Variants in RPS2 observed in about 807,000 individuals in gnomAD.
RPS2 encodes small ribosomal subunit protein uS5.
A neutral mutation model predicts 25.3 loss-of-function variants in RPS2; 8 were observed. The observed-to-expected ratio is 0.32, with a 90% CI of 0.19 to 0.57. The LOEUF (loss-of-function observed/expected upper bound fraction) is 0.57. RPS2 is among the 20% of genes least tolerant of loss of function. RPS2 has a pLI of 0.90. For missense variants in RPS2, 229 were observed against 408.1 expected (o/e 0.56, Z 3.78); for synonymous variants, 181 against 161.3 (o/e 1.12, Z -0.92).
At chr16:1,962,358 G>A (rs763915541) in intron 6 of RPS2, 88 bp from the exon 7 acceptor site, 14 of 1,399,956 alleles carry the variant, frequency 1.0e-5, no homozygotes, top group African/African-American at 4.2e-5. Context: ...TAGGAACAGA[G>A]AGGCCATTCT....
rs201628829 is a variant in RPS2, at chr16:1,962,884, T to C, written c.401A>G (p.Asn134Ser). The change falls in exon 5 of 7, where the codon AAT becomes AGT. Residue 134 changes from asparagine to serine, a missense_variant. By Grantham distance (46) the Asn-to-Ser change is conservative (BLOSUM62 1). Coordinates refer to ENST00000343262, the MANE Select transcript of RPS2 (RefSeq NM_002952.4). ...CTTAACACCCAGACCGACGTGGCCA[T>C]TGTAGTCCCCGATAGCAACAAATGC... ...FKAFVAIGDY[N>S]GHVGLGVKCS... The C allele has an allele frequency of 3.1e-5, 49 of 1,602,092 alleles. 1 individual carries two copies. In the Admixed American group the frequency reaches 3.8e-4, roughly 13 times the overall value.
Position 1,963,134 on chromosome 16 carries a change from A to G in RPS2, c.375+15T>C, listed in dbSNP as rs1227774616. 1.3e-6 allele frequency: 2 copies of G among 1,598,970 alleles called. No individual in the cohort carries two copies. Among genetic ancestry groups the G allele is most frequent in the East Asian group, 2.2e-5 (1 of 44,786 alleles). ...CGGCAAGCCCAGCGCAGCCCCCTCC[A>G]GGACAGCCGGGTACCTTGAACCTGG... On this transcript the variant is annotated intron_variant, in intron 4 of 6. Transcript: ENST00000343262.
Position 1,962,925 on chromosome 16 carries a change from T to G in RPS2, c.376-16A>C. Reference sequence around the variant, plus strand: ...CAACAAATGCCTGCGAAAAGATGTGTGTGAGGCAGCTGGTGGCCCTACACC... The same window carrying G: ...CAACAAATGCCTGCGAAAAGATGTGGGTGAGGCAGCTGGTGGCCCTACACC... On this transcript the variant is annotated splice_polypyrimidine_tract_variant and intron_variant, in intron 4 of 6. Coordinates refer to ENST00000343262, the MANE Select transcript of RPS2 (RefSeq NM_002952.4). 1 of 1,597,830 alleles carries G rather than the reference T, an allele frequency of 6.3e-7. No homozygotes were observed.
At chr16:1,963,668 T>C in intron 3 of RPS2, 1 of 374,366 alleles carries the variant, frequency 2.7e-6, no homozygotes, top group Non-Finnish European at 5.4e-6. Context: ...TTCCCCCCGA[T>C]CTGTCCCCTT....
intron 3 of RPS2, chr16:1,963,570 C>G: frequency 2.8e-6 from 1 of 357,370 alleles, no homozygotes; most frequent in South Asian, 2.2e-5. Context: ...GAGCCGAGAT[C>G]ACGCCAGCCT....
intron 3 of RPS2, chr16:1,963,926 C>T: frequency 2.6e-6 from 1 of 391,856 alleles, no homozygotes. Context: ...CCCGTACACG[C>T]GGACTATGAC....
In RPS2 at chr16:1,962,058, T is replaced by C; in HGVS notation, c.*40A>G. On this transcript the variant is annotated 3_prime_UTR_variant, in exon 7 of 7. Transcript: ENST00000343262. ...CATGCAGGACACGGGAAAAAAACAG[T>C]AACACGCTTAATTCACTTTATTTTT... 6.6e-7 allele frequency: 1 copy of C among 1,512,158 alleles called. No individual in the cohort carries two copies. The highest frequency in any genetic ancestry group is 1.2e-5 in the South Asian group (1 of 81,884). 93.7% of individuals were successfully genotyped at this position (1,512,158 alleles called of 1,614,324 possible).
intron 3 of RPS2, chr16:1,963,971 T>G: frequency 7.0e-6 from 3 of 429,374 alleles, no homozygotes; most frequent in East Asian, 5.0e-5. Flanking sequence ...TCCCACAACC[T>G]GAACTTCATC....
At chr16:1,963,748 C>A in intron 3 of RPS2, 1 of 450,732 alleles carries the variant, frequency 2.2e-6, no homozygotes, top group Non-Finnish European at 4.4e-6. Flanking sequence ...TTCCTATTTG[C>A]CCTTTTTCTC....
Position 1,964,291 on chromosome 16 carries a change from G to A in RPS2, c.252C>T (p.Phe84=), listed in dbSNP as rs140539932. 1.4e-4 allele frequency: 229 copies of A among 1,612,606 alleles called. No homozygotes were observed. Among genetic ancestry groups the A allele is most frequent in the African/African-American group, 2.9e-4 (22 of 75,032 alleles). ...CGACGCGTACCTTAATAGGCAGGGA[G>A]AAGAGATAGATCTCCTCCAGGGACT... ...KIKSLEEIYL[F]SLPIKESEII... Residue 84 remains phenylalanine (F), a synonymous_variant, in exon 3 of 7, where the codon TTC becomes TTT. Transcript: ENST00000343262.
At chr16:1,963,012 G>T in intron 4 of RPS2, 103 bp from the exon 5 acceptor site, 1 of 1,417,720 alleles carries the variant, frequency 7.1e-7, no homozygotes, top group Non-Finnish European at 9.9e-7. Flanking sequence ...CCACAGTAAG[G>T]CCCATCCGAG....
intron 6 of RPS2, 44 bp from the exon 7 acceptor site, chr16:1,962,314 G>A (rs1567316728): frequency 1.9e-6 from 3 of 1,580,410 alleles, no homozygotes; most frequent in Non-Finnish European, 2.6e-6. Context: ...GTGTGCTTGA[G>A]GCAAGTCCCC....
chr16:1,963,226 C>G lies in RPS2; in HGVS notation c.298G>C (p.Ala100Pro). The G allele has an allele frequency of 6.5e-7, 1 of 1,547,362 alleles. No homozygotes were observed. Among genetic ancestry groups the G allele is most frequent in the East Asian group, 2.4e-5 (1 of 42,000 alleles). ...TTCAAAACCTCATCCTTGAGAGAGG[C>G]CCCCAGGAAGAAATCAATGATCTCT... ...ESEIIDFFLG[A>P]SLKDEVLKIM... Residue 100 changes from alanine to proline, a missense_variant, in exon 4 of 7, where the codon GCC (alanine) becomes CCC (proline). Transcript: ENST00000343262.
At chr16:1,962,362 C>T (rs889215457) in intron 6 of RPS2, 92 bp from the exon 7 acceptor site, 3 of 1,386,332 alleles carry the variant, frequency 2.2e-6, no homozygotes, top group African/African-American at 2.8e-5. Context: ...AACAGAGAGG[C>T]CATTCTGGGC....
Position 1,962,646 on chromosome 16 carries a change from C to T in RPS2, c.560G>A (p.Arg187His), listed in dbSNP as rs775271566. The T allele has an allele frequency of 1.6e-5, 26 of 1,600,370 alleles. No individual in the cohort carries two copies. Among genetic ancestry groups the T allele is most frequent in the African/African-American group, 1.3e-4 (10 of 74,458 alleles). Residue 187 changes from arginine (R) to histidine (H), a missense_variant, in exon 6 of 7, where the codon CGC becomes CAC. Transcript: ENST00000343262. Reference protein sequence around the residue: ...PHTVPCKVTGRCGSVLVRLIP... With the variant: ...PHTVPCKVTGHCGSVLVRLIP... ...GAGGCGTACCAGCACAGAGCCGCAG[C>T]GGCCTGTCACCTGGTGAGGGAAGGA... is the stretch of plus-strand genomic sequence containing the variant.
At chr16:1,964,083 T>G (rs1375442878) in intron 3 of RPS2, 193 bp downstream of exon 3, 2 of 593,586 alleles carry the variant, frequency 3.4e-6, no homozygotes, top group African/African-American at 3.7e-5. Flanking sequence ...CTTTTGTGGC[T>G]CTGGCTTCGC....
At chr16:1,962,393 G>C in intron 6 of RPS2, 104 bp downstream of exon 6, 1 of 1,386,940 alleles carries the variant, frequency 7.2e-7, no homozygotes, top group Non-Finnish European at 1.0e-6. Context: ...TGCATTAGGA[G>C]AGCCTTTCTC....
intron 4 of RPS2, 86 bp from the exon 5 acceptor site, chr16:1,962,995 A>G: frequency 1.3e-6 from 2 of 1,490,362 alleles, no homozygotes; most frequent in African/African-American, 1.4e-5. Flanking sequence ...CCTCAAGGAA[A>G]GAGAGGCCAC....
chr16:1,963,761 G>C, intron 3 of RPS2: 1 of 454,306 alleles, frequency 2.2e-6, no homozygotes, highest in Non-Finnish European at 4.4e-6. Context: ...TTTTTCTCTT[G>C]TTTGGTGAGA....
Sources: allele counts gnomAD v4.1 joint callset, GRCh38; gene constraint gnomAD v4.1.1; transcripts MANE v1.5; gene names NCBI Gene and HGNC (gene_info 2026-07-23, HGNC 2026-07-21).